Variants in UBE2D2 observed in about 807,000 individuals in gnomAD.
UBE2D2 encodes the protein ubiquitin conjugating enzyme E2 D2, also known as ubiquitin-conjugating enzyme E2 D2.
UBE2D2 carries 2 observed loss-of-function variants against 24.2 expected under a neutral mutation model. The observed-to-expected ratio is 0.08, with a 90% confidence interval of 0.03 to 0.26. The LOEUF is 0.26. UBE2D2 is among the 10% of genes least tolerant of loss of function. UBE2D2 has a pLI of 1.00. For missense variants in UBE2D2, 44 were observed against 177.6 expected (o/e 0.25, Z 4.28); for synonymous variants, 58 against 56.5 (o/e 1.03, Z -0.12).
intron 1 of UBE2D2, among the ~76,000 whole-genome samples, chr5:139,549,739 G>A (rs1048085206): frequency 1.3e-5 from 2 of 152,252 alleles, no homozygotes; most frequent in African/African-American, 4.8e-5. Context: ...GCTGCGCAGA[G>A]CGGGACTAGC....
chr5:139,574,013 A>G (rs537999248), intron 1 of UBE2D2, among the ~76,000 whole-genome samples: 15 of 151,974 alleles, frequency 9.9e-5, no homozygotes, highest in African/African-American at 3.4e-4. Flanking sequence ...TCTCTCCTAG[A>G]TATAAGTCAA....
upstream of UBE2D2, among the ~76,000 whole-genome samples, chr5:139,558,054 C>T (rs947388364): frequency 4.6e-5 from 7 of 151,704 alleles, no homozygotes; most frequent in Non-Finnish European, 8.8e-5. Flanking sequence ...TACCACTGCA[C>T]TCCAGCCTGA....
intron 1 of UBE2D2, among the ~76,000 whole-genome samples, chr5:139,529,580 C>T (rs948257876): frequency 6.6e-6 from 1 of 152,078 alleles, no homozygotes; most frequent in Non-Finnish European, 1.5e-5. Context: ...GCCCCTCCTG[C>T]ACAAGTGGGA....
chr5:139,554,288 C>G (rs1450258396), intron 1 of UBE2D2, among the ~76,000 whole-genome samples: 1 of 152,184 alleles, frequency 6.6e-6, no homozygotes, highest in Non-Finnish European at 1.5e-5. Flanking sequence ...CCCACCTCAG[C>G]CTCCCGAGTG....
chr5:139,596,540 C>A (rs1753963475), intron 1 of UBE2D2, among the ~76,000 whole-genome samples: 1 of 151,916 alleles, frequency 6.6e-6, no homozygotes, highest in Non-Finnish European at 1.5e-5. Context: ...GATCCACCCG[C>A]CTTGGCCTCC....
At chr5:139,601,726 G>A (rs1754082357) in intron 2 of UBE2D2, among the ~76,000 whole-genome samples, 1 of 151,886 alleles carries the variant, frequency 6.6e-6, no homozygotes, top group Non-Finnish European at 1.5e-5. Context: ...TGGCCAAGAT[G>A]GTGAAACCCC....
intron 1 of UBE2D2, among the ~76,000 whole-genome samples, chr5:139,552,577 C>T (rs542219153): frequency 7.3e-6 from 1 of 137,406 alleles, no homozygotes; most frequent in Non-Finnish European, 1.5e-5. Flanking sequence ...GGCGAGATCT[C>T]GGCTCACGGC....
At chr5:139,541,939 C>G (rs541339040) in intron 1 of UBE2D2, among the ~76,000 whole-genome samples, 53 of 152,186 alleles carry the variant, frequency 3.5e-4, no homozygotes, top group Non-Finnish European at 6.3e-4. Flanking sequence ...GTAATCCCAG[C>G]ACTTTGGGAG....
At chr5:139,544,666 T>G (rs1297229225) in intron 1 of UBE2D2, among the ~76,000 whole-genome samples, 1 of 152,124 alleles carries the variant, frequency 6.6e-6, no homozygotes, top group Non-Finnish European at 1.5e-5. Context: ...GAAAACCTTT[T>G]ATTGAGGTAT....
chr5:139,605,954 G>A (rs890048963), intron 2 of UBE2D2, among the ~76,000 whole-genome samples: 3 of 151,728 alleles, frequency 2.0e-5, no homozygotes, highest in East Asian at 1.9e-4. Context: ...TGTTTCCTAC[G>A]CTGGTCTTGA....
At chr5:139,610,090 ATAGTT>A (rs1004319145) in intron 2 of UBE2D2, among the ~76,000 whole-genome samples, 6 of 152,128 alleles carry the variant, frequency 3.9e-5, no homozygotes, top group African/African-American at 1.4e-4. Flanking sequence ...TTCTTAAAAA[ATAGTT>A]TAGTGTATTT....
intron 1 of UBE2D2, among the ~76,000 whole-genome samples, chr5:139,551,316 T>C (rs1484353780): frequency 1.3e-5 from 2 of 152,162 alleles, no homozygotes; most frequent in South Asian, 4.2e-4. Flanking sequence ...GCCATTGCAC[T>C]CCAGCCTGGG....
chr5:139,555,655 G>A (rs1752971621), intron 1 of UBE2D2, among the ~76,000 whole-genome samples: 1 of 152,056 alleles, frequency 6.6e-6, no homozygotes, highest in Admixed American at 6.6e-5. Flanking sequence ...GGCCAGATGT[G>A]CTGGCTCATG....
rs570453383 is a variant in UBE2D2 at position 139,542,426 on chromosome 5, G to A, written c.-64+15814G>A. ...CTCTTTCACCTTGGGCTGGAGTGCA[G>A]TGGCAGGATCTCGGCTCACTGCAAC... is the stretch of plus-strand genomic sequence containing the variant. On this transcript the variant is annotated intron_variant, in intron 1 of 6. Transcript: ENST00000511725. Among the ~76,000 whole-genome samples the A allele has an allele frequency of 1.1e-4, 16 of 152,264 alleles. 1 individual carries two copies. The highest frequency in any genetic ancestry group is 9.2e-4 in the Admixed American group (14 of 15,284).
chr5:139,614,270 C>T (rs535468787), intron 2 of UBE2D2, among the ~76,000 whole-genome samples: 93 of 152,164 alleles, frequency 6.1e-4, no homozygotes, highest in African/African-American at 2.1e-3. Context: ...GTGGCGCAGT[C>T]ATGGCTCATT....
At chr5:139,550,305 T>C (rs937287661) in intron 1 of UBE2D2, among the ~76,000 whole-genome samples, 1 of 152,140 alleles carries the variant, frequency 6.6e-6, no homozygotes, top group African/African-American at 2.4e-5. Flanking sequence ...CTTGGAGAAC[T>C]TTTACCTCAG....
intron 1 of UBE2D2, among the ~76,000 whole-genome samples, chr5:139,592,721 GC>G (rs1431502621): frequency 6.7e-6 from 1 of 149,264 alleles, no homozygotes; most frequent in Non-Finnish European, 1.5e-5. Flanking sequence ...TCCTGCCTCA[GC>G]CTCCCGAGTA....
In UBE2D2 at chr5:139,561,750, C is replaced by T. The variant is rs776091273; in HGVS notation, c.-42C>T. ...AGCCCCTTCCCCGTCCCTTCCCCGC[C>T]CCCGTCCCCGCCCCGGGGGCCGCCG... On this transcript the variant is annotated 5_prime_UTR_variant, in exon 1 of 7. Transcript: ENST00000398733. 52 of 1,436,330 alleles carry T rather than the reference C, an allele frequency of 3.6e-5. No homozygotes were observed. The highest frequency in any genetic ancestry group is 4.6e-5 in the Non-Finnish European group (50 of 1,081,224). The allele number at this position is 1,436,330 out of a possible 1,614,324, so 89.0% of individuals were successfully genotyped here.
intron 1 of UBE2D2, among the ~76,000 whole-genome samples, chr5:139,575,978 T>G (rs1391596705): frequency 6.6e-6 from 1 of 152,174 alleles, no homozygotes; most frequent in African/African-American, 2.4e-5. Context: ...AGCTATAATC[T>G]GCACTGCACT....
Sources: allele counts gnomAD v4.1 joint callset (sites outside exome capture counted in the v4.1 genomes callset), GRCh38; gene constraint gnomAD v4.1.1; transcripts MANE v1.5; gene names NCBI Gene and HGNC (gene_info 2026-07-23, HGNC 2026-07-21).